The following MVB12B variants were observed in gnomAD, a reference collection of about 807,000 sequenced individuals.
MVB12B encodes multivesicular body subunit 12B, also known as ESCRT-I complex subunit MVB12B.
In MVB12B, 16 loss-of-function variants were observed where a neutral mutation model predicts 41.6. That is an observed-to-expected ratio of 0.38 (90% CI 0.26 to 0.58). The LOEUF is 0.58. MVB12B is among the 20% of genes least tolerant of loss of function. The probability of loss-of-function intolerance (pLI) is 0.62; values close to 1 mark genes in which losing one functional copy is unlikely to be tolerated. For missense variants in MVB12B, 274 were observed against 380.2 expected (o/e 0.72, Z 2.32); for synonymous variants, 133 against 139.7 (o/e 0.95, Z 0.34).
intron 1 of MVB12B, among the ~76,000 whole-genome samples, chr9:126,339,897 T>C (rs917941516): frequency 2.0e-5 from 3 of 152,166 alleles, no homozygotes; most frequent in African/African-American, 7.2e-5. Context: ...GACCTCCTTT[T>C]ATAGCTGAGA....
chr9:126,497,970 C>T (rs954503008), intron 9 of MVB12B, among the ~76,000 whole-genome samples: 10 of 152,208 alleles, frequency 6.6e-5, no homozygotes, highest in African/African-American at 2.2e-4. Flanking sequence ...GGCCCACCCT[C>T]GTCTCGCAGA....
chr9:126,492,116 G>A (rs1564350686), intron 9 of MVB12B, among the ~76,000 whole-genome samples: 1 of 132,334 alleles, frequency 7.6e-6, no homozygotes, highest in African/African-American at 2.6e-5. Flanking sequence ...CCTGCGGCAC[G>A]TGCACACACA....
At position 126,340,424 on chromosome 9, in the gene MVB12B, A is replaced by C. The variant is rs1326339005; in HGVS notation, c.82-84A>C. 4.6e-6 allele frequency: 7 copies of C among 1,529,060 alleles called. No homozygotes were observed. Among genetic ancestry groups the C allele is most frequent in the Non-Finnish European group, 6.3e-6 (7 of 1,115,770 alleles). The allele number at this position is 1,529,060 out of a possible 1,614,324, so 94.7% of individuals were successfully genotyped here. ...TGAAACTCAGGGTATTTGCCCCAAG[A>C]TTCTGGTTCTGTTTGAGACTTTATA... On this transcript the variant is annotated intron_variant, in intron 1 of 9. Transcript: ENST00000361171. This position sits in a 1 kb window ranked among gnomAD's most constrained non-coding sequence, Gnocchi z 4.0.
In MVB12B at chr9:126,459,624, C is replaced by T. The variant is rs149795264; in HGVS notation, c.758-21745C>T. On this transcript the variant is annotated intron_variant, in intron 7 of 9. Coordinates refer to ENST00000361171, the MANE Select transcript of MVB12B (RefSeq NM_033446.3). This position sits in a 1 kb window ranked among gnomAD's most constrained non-coding sequence, Gnocchi z 4.3. ...GCTTGGGGCTAAGGATGTGTATTTT[C>T]GCACGCAGCCCAGGTGACTGTGGCA... is the stretch of plus-strand genomic sequence containing the variant. Among the ~76,000 whole-genome samples, 324 of 152,214 alleles carry T rather than the reference C, an allele frequency of 2.1e-3. 1 individual carries two copies. The highest frequency in any genetic ancestry group is 6.8e-3 in the African/African-American group (284 of 41,536).
At chr9:126,424,701 C>T (rs1189253045) in intron 7 of MVB12B, among the ~76,000 whole-genome samples, 2 of 152,240 alleles carry the variant, frequency 1.3e-5, no homozygotes, top group Non-Finnish European at 2.9e-5. Context: ...TCTCTCTTGC[C>T]CACGGAAGTG....
In MVB12B at chr9:126,484,077, C is replaced by T. The variant is rs529344530; in HGVS notation, c.873+45C>T. 8.9e-6 allele frequency: 14 copies of T among 1,577,892 alleles called. No homozygotes were observed. The South Asian group carries it at 1.2e-4, about 14-fold the overall frequency. On this transcript the variant is annotated intron_variant, in intron 9 of 9. Transcript: ENST00000361171. ...AGGGGAGGGCAGGCCTGGGCCATCGCCTGCACACCGGCGTCTCTCGTGTGT... is the reference window on the plus strand; with the variant it reads ...AGGGGAGGGCAGGCCTGGGCCATCGTCTGCACACCGGCGTCTCTCGTGTGT...
At chr9:126,400,791 AGGGGCCTCCCACAACGTCCG>A (rs555505565) in intron 6 of MVB12B, among the ~76,000 whole-genome samples, 1 of 152,318 alleles carries the variant, frequency 6.6e-6, no homozygotes, top group African/African-American at 2.4e-5. Flanking sequence ...GAAGGCTCAG[AGGGGCCTCCCACAACGTCCG>A]GGGCCCTCCC....
In MVB12B at chr9:126,376,452, G is replaced by T; in HGVS notation, c.205-4612G>T. The T allele has an allele frequency of 8.2e-7, 1 of 1,225,280 alleles. No homozygotes were observed. The highest frequency in any genetic ancestry group is 1.1e-6 in the Non-Finnish European group (1 of 931,456). 75.9% of individuals were successfully genotyped at this position (1,225,280 alleles called of 1,614,324 possible). A position where few individuals can be genotyped will look rare whatever the true frequency, so the allele number is the denominator to read the frequency against. On this transcript the variant is annotated intron_variant, in intron 2 of 9. Coordinates refer to ENST00000361171, the MANE Select transcript of MVB12B (RefSeq NM_033446.3). This position sits in a 1 kb window ranked among gnomAD's most constrained non-coding sequence, Gnocchi z 4.1. ...TTGTGGGTTGGGATTTAAGATGGAGGCACCAGCTCATGGGCTGGAGCCCTG... is the reference window on the plus strand; with the variant it reads ...TTGTGGGTTGGGATTTAAGATGGAGTCACCAGCTCATGGGCTGGAGCCCTG...
chr9:126,440,157 C>T (rs992583724), intron 7 of MVB12B, among the ~76,000 whole-genome samples: 2 of 152,188 alleles, frequency 1.3e-5, no homozygotes, highest in African/African-American at 4.8e-5. Flanking sequence ...TGTATGGAGC[C>T]TTGTTTCAGA....
At chr9:126,470,690 T>C (rs1029038939) in intron 7 of MVB12B, among the ~76,000 whole-genome samples, 2 of 149,536 alleles carry the variant, frequency 1.3e-5, no homozygotes, top group Non-Finnish European at 3.0e-5. Flanking sequence ...TCCAGATTGC[T>C]CATGCCAAAT....
chr9:126,380,268 C>G (rs1283704979), intron 2 of MVB12B, among the ~76,000 whole-genome samples: 1 of 152,146 alleles, frequency 6.6e-6, no homozygotes, highest in Non-Finnish European at 1.5e-5. Flanking sequence ...CTCCTCCTCT[C>G]CCATCTCCTT....
At chr9:126,492,351 A>G (rs1833750366) in intron 9 of MVB12B, among the ~76,000 whole-genome samples, 1 of 151,752 alleles carries the variant, frequency 6.6e-6, no homozygotes, top group African/African-American at 2.4e-5. Context: ...ACACCGCTGC[A>G]ATAGATTTCC....
intron 6 of MVB12B, among the ~76,000 whole-genome samples, chr9:126,420,839 G>T (rs182825711): frequency 6.6e-6 from 1 of 151,490 alleles, no homozygotes; most frequent in Non-Finnish European, 1.5e-5. Context: ...CACCGCGCCC[G>T]GCCCTCCCAG....
rs1031149293 is a variant in MVB12B, at chr9:126,468,294, C to T, written c.758-13075C>T. On this transcript the variant is annotated intron_variant, in intron 7 of 9. Transcript: ENST00000361171. The surrounding 1 kb of genome is among the most constrained non-coding windows in gnomAD (Gnocchi z 4.3). ...CAGGCCTCATTTCTGGATCTCCACC[C>T]GGCAGCCCTCACACACCCATCTCAC... 2.6e-5 allele frequency among the ~76,000 whole-genome samples: 4 copies of T among 152,166 alleles called. No individual in the cohort carries two copies. Among genetic ancestry groups the T allele is most frequent in the African/African-American group, 7.2e-5 (3 of 41,430 alleles).
rs938563374 is a variant in MVB12B at position 126,473,899 on chromosome 9, C to T, written c.758-7470C>T. ...CCACCTTGTGTATGGGCAGTAAGCA[C>T]GGATTCCCTTTCCTTTTCTATTTTG... On this transcript the variant is annotated intron_variant, in intron 7 of 9. Coordinates refer to ENST00000361171, the MANE Select transcript of MVB12B (RefSeq NM_033446.3). This position sits in a 1 kb window ranked among gnomAD's most constrained non-coding sequence, Gnocchi z 4.0. 5.9e-5 allele frequency among the ~76,000 whole-genome samples: 9 copies of T among 152,210 alleles called. No homozygotes were observed. The highest frequency in any genetic ancestry group is 2.2e-4 in the African/African-American group (9 of 41,448).
At chr9:126,401,684 T>G (rs1831272885) in intron 6 of MVB12B, among the ~76,000 whole-genome samples, 1 of 152,268 alleles carries the variant, frequency 6.6e-6, no homozygotes, top group Non-Finnish European at 1.5e-5. Context: ...ATTCAGGCCG[T>G]GCTGCCCAGG....
In MVB12B at chr9:126,483,820, C is replaced by T. The variant is rs191616438; in HGVS notation, c.814-153C>T. 5.4e-4 allele frequency among the ~76,000 whole-genome samples: 82 copies of T among 152,302 alleles called. No individual in the cohort carries two copies. The East Asian group carries it at 0.014, about 27-fold the overall frequency. On this transcript the variant is annotated intron_variant, in intron 8 of 9. Transcript: ENST00000361171. ...TTCTCCTGCCACCCCCACGCGTGAC[C>T]GAGAGTCCCACTGACTGTCTTCCTG...
intron 2 of MVB12B, among the ~76,000 whole-genome samples, chr9:126,377,797 G>A (rs541097230): frequency 6.6e-6 from 1 of 152,258 alleles, no homozygotes; most frequent in African/African-American, 2.4e-5. Context: ...CCCAGAGATT[G>A]GCACAGAGCC....
chr9:126,381,440 C>T (rs1009394703), intron 3 of MVB12B, among the ~76,000 whole-genome samples: 14 of 152,110 alleles, frequency 9.2e-5, no homozygotes, highest in African/African-American at 2.7e-4. Flanking sequence ...TCTCATTTGC[C>T]TACCTTTCCT....
Sources: allele counts gnomAD v4.1 joint callset (sites outside exome capture counted in the v4.1 genomes callset), GRCh38; gene constraint gnomAD v4.1.1; non-coding constraint Gnocchi (gnomAD v3.1); transcripts MANE v1.5; gene names NCBI Gene and HGNC (gene_info 2026-07-23, HGNC 2026-07-21).